DLGAP2: variants seen among roughly 807,000 people sequenced by gnomAD.
DLGAP2 encodes DLG associated protein 2.
In DLGAP2, 26 loss-of-function variants were observed where a neutral mutation model predicts 100.3. That is an observed-to-expected ratio of 0.26 (90% CI 0.19 to 0.36). The LOEUF is 0.36. DLGAP2 is among the 10% of genes least tolerant of loss of function. DLGAP2 has a pLI of 1.00. For synonymous variants in DLGAP2, 886 were observed against 630.1 expected (o/e 1.41, Z -6.08); for missense variants, 1,858 against 1,453.2 (o/e 1.28, Z -4.53).
rs1050621734 is a variant in DLGAP2, at chr8:1,707,123, T to C, written c.*5717T>C. The C allele has an allele frequency of 1.3e-5, 2 of 152,644 alleles. No homozygotes were observed. Among genetic ancestry groups the C allele is most frequent in the African/African-American group, 4.8e-5 (2 of 41,438 alleles). The allele number at this position is 152,644 out of a possible 1,614,324, so 9.5% of individuals were successfully genotyped here. A position where few individuals can be genotyped will look rare whatever the true frequency, so the allele number is the denominator to read the frequency against. Reference sequence around the variant, plus strand: ...ATATACACACACAAGTTGACAGAGGTTTACCTCCCTACTTTCTTAGATTTT... The same window carrying C: ...ATATACACACACAAGTTGACAGAGGCTTACCTCCCTACTTTCTTAGATTTT... On this transcript the variant is annotated 3_prime_UTR_variant, in exon 15 of 15. Coordinates refer to ENST00000637795, the MANE Select transcript of DLGAP2 (RefSeq NM_001346810.2).
chr8:1,296,114 A>G (rs10101376), intron 3 of DLGAP2: 67,955 of 151,884 alleles, frequency 0.45, 15,656 homozygotes, highest in East Asian at 0.55. Flanking sequence ...GTTGATTTTC[A>G]GAAGGGTGCT....
intron 5 of DLGAP2, 125 bp from the exon 6 acceptor site, chr8:1,565,558 A>C: frequency 1.4e-6 from 1 of 739,320 alleles, no homozygotes; most frequent in Non-Finnish European, 2.2e-6. Context: ...TCTGACTTTA[A>C]CTGATAAATG....
At chr8:750,893 G>A (rs1820772497) in intron 1 of DLGAP2, among the ~76,000 whole-genome samples, 1 of 152,198 alleles carries the variant, frequency 6.6e-6, no homozygotes, top group African/African-American at 2.4e-5. Context: ...TCCAAAAATA[G>A]ACCTGTTCCG....
chr8:1,430,237 G>C lies in DLGAP2; in HGVS notation c.107-71129G>C, dbSNP rs932971910. Among the ~76,000 whole-genome samples the C allele has an allele frequency of 2.6e-5, 4 of 151,418 alleles. No individual in the cohort carries two copies. The Admixed American group carries it at 2.6e-4, about 10-fold the overall frequency. The stretch of plus-strand genomic sequence containing the variant: ...CAATGATCTGTGATTCCTTTGGTTA[G>C]ATTTTAATTTAGATTCTACATAAGC... On this transcript the variant is annotated intron_variant, in intron 3 of 14. Transcript: ENST00000637795.
At chr8:1,456,653 A>G (rs531360772) in intron 3 of DLGAP2, among the ~76,000 whole-genome samples, 77 of 151,980 alleles carry the variant, frequency 5.1e-4, no homozygotes, top group African/African-American at 1.8e-3. Flanking sequence ...GCATCATTAG[A>G]AAAATAAAAT....
chr8:1,391,049 T>C (rs567905156), intron 3 of DLGAP2, among the ~76,000 whole-genome samples: 1 of 152,204 alleles, frequency 6.6e-6, no homozygotes, highest in Non-Finnish European at 1.5e-5. Context: ...CTTGGGTGAA[T>C]ACAACAGGAC....
At chr8:866,106 C>T (rs1012593686) in intron 1 of DLGAP2, among the ~76,000 whole-genome samples, 2 of 152,152 alleles carry the variant, frequency 1.3e-5, no homozygotes, top group African/African-American at 4.8e-5. Flanking sequence ...ATCTCAGGCA[C>T]AGTGGCGGGC....
chr8:921,678 G>A lies in DLGAP2; in HGVS notation c.73+13712G>A, dbSNP rs964695740. Among the ~76,000 whole-genome samples the A allele has an allele frequency of 2.0e-4, 31 of 152,226 alleles. 1 individual carries two copies. The highest frequency in any genetic ancestry group is 2.4e-5 in the African/African-American group (1 of 41,456). The stretch of plus-strand genomic sequence containing the variant: ...ACAGATGCTGTTCTGTACCTGTCAC[G>A]GCTACTGCCACCCAGCCATCCTCCA... On this transcript the variant is annotated intron_variant, in intron 2 of 14. Coordinates refer to ENST00000637795, the MANE Select transcript of DLGAP2 (RefSeq NM_001346810.2).
chr8:1,352,908 G>A (rs1348571606), intron 3 of DLGAP2, among the ~76,000 whole-genome samples: 2 of 152,132 alleles, frequency 1.3e-5, no homozygotes, highest in African/African-American at 4.8e-5. Flanking sequence ...TGGGGCCTCC[G>A]GTCTTCCAGC....
intron 1 of DLGAP2, among the ~76,000 whole-genome samples, chr8:855,375 G>A (rs922485807): frequency 5.9e-5 from 9 of 152,164 alleles, no homozygotes; most frequent in Non-Finnish European, 1.2e-4. Flanking sequence ...TCAACACTGG[G>A]ACCAAAGCTG....
chr8:806,404 C>T (rs1045116278), intron 1 of DLGAP2, among the ~76,000 whole-genome samples: 9 of 152,302 alleles, frequency 5.9e-5, no homozygotes, highest in South Asian at 2.1e-4. Context: ...GAGTGGCGTG[C>T]GCGTCTCTGG....
chr8:1,481,101 GGC>G (rs1395923590), intron 3 of DLGAP2, among the ~76,000 whole-genome samples: 1 of 152,094 alleles, frequency 6.6e-6, no homozygotes, highest in Non-Finnish European at 1.5e-5. Context: ...GAACCTGGGA[GGC>G]GGAGCTTGCA....
At chr8:944,199 G>A (rs1189243352) in intron 2 of DLGAP2, among the ~76,000 whole-genome samples, 1 of 152,216 alleles carries the variant, frequency 6.6e-6, no homozygotes, top group East Asian at 1.9e-4. Flanking sequence ...CCGTCCCTGT[G>A]AGTGATTCAC....
chr8:1,198,036 C>G (rs867844119), intron 2 of DLGAP2, among the ~76,000 whole-genome samples: 6 of 152,106 alleles, frequency 3.9e-5, no homozygotes, highest in Admixed American at 2.6e-4. Flanking sequence ...TGGAAATGAG[C>G]CATGGCCGTG....
chr8:874,724 G>C (rs1355631113), intron 1 of DLGAP2, among the ~76,000 whole-genome samples: 2 of 152,156 alleles, frequency 1.3e-5, no homozygotes, highest in African/African-American at 4.8e-5. Flanking sequence ...TGATTGCTAG[G>C]TCTAATGGGT....
At chr8:1,370,831 G>T (rs1343295108) in intron 3 of DLGAP2, among the ~76,000 whole-genome samples, 1 of 152,166 alleles carries the variant, frequency 6.6e-6, no homozygotes, top group Non-Finnish European at 1.5e-5. Context: ...CATTAAATTG[G>T]GCATAAAAGA....
At chr8:1,204,060 G>A (rs1307461723) in intron 2 of DLGAP2, among the ~76,000 whole-genome samples, 1 of 152,268 alleles carries the variant, frequency 6.6e-6, no homozygotes, top group Non-Finnish European at 1.5e-5. Context: ...GATCTCAGGA[G>A]AATGCAGATT....
chr8:930,164 G>C (rs186685748), intron 2 of DLGAP2, among the ~76,000 whole-genome samples: 18 of 152,248 alleles, frequency 1.2e-4, no homozygotes, highest in African/African-American at 4.1e-4. Flanking sequence ...TTAGAAAAGT[G>C]AGTGACTCAC....
At chr8:788,715 C>G (rs1821946671) in intron 1 of DLGAP2, among the ~76,000 whole-genome samples, 2 of 152,206 alleles carry the variant, frequency 1.3e-5, no homozygotes, top group African/African-American at 2.4e-5. Flanking sequence ...GTGTTTTAAT[C>G]AGATTTCTTT....
Sources: gnomAD v4.1 joint callset for allele counts (sites outside exome capture counted in the v4.1 genomes callset) on GRCh38, gnomAD v4.1.1 for gene constraint, MANE v1.5 for transcripts, NCBI Gene and HGNC (gene_info 2026-07-23, HGNC 2026-07-21) for gene names.